The following CRACDL variants were observed in gnomAD, a reference collection of about 807,000 sequenced individuals.
CRACDL encodes the protein CRACD-like protein.
CRACDL carries 26 observed loss-of-function variants against 70.6 expected under a neutral mutation model. The ratio of observed to expected loss-of-function variants is 0.37; its 90% CI spans 0.27 to 0.51. The LOEUF is 0.51. CRACDL is among the 20% of genes least tolerant of loss of function. The probability of loss-of-function intolerance (pLI) is 0.94; values close to 1 mark genes in which losing one functional copy is unlikely to be tolerated. For missense variants in CRACDL, 1,283 were observed against 1,376.9 expected, an observed-to-expected ratio of 0.93 and a Z score of 1.08; for synonymous variants, 618 against 615.2, an observed-to-expected ratio of 1.00 and a Z score of -0.07.
chr2:98,832,636 A>T, intron 4 of CRACDL, 124 bp from the exon 5 acceptor site: 2 of 1,053,976 alleles, frequency 1.9e-6, no homozygotes, highest in Non-Finnish European at 2.8e-6. Flanking sequence ...AGAGAACTGA[A>T]CTGAACGTGC....
intron 1 of CRACDL, among the ~76,000 whole-genome samples, chr2:98,878,631 C>A (rs369205830): frequency 6.6e-6 from 1 of 152,080 alleles, no homozygotes; most frequent in South Asian, 2.1e-4. Context: ...CTCAGTTTTA[C>A]GTGAAGATGT....
intron 1 of CRACDL, among the ~76,000 whole-genome samples, chr2:98,927,164 G>T (rs769666503): frequency 1.6e-4 from 24 of 152,224 alleles, no homozygotes; most frequent in Non-Finnish European, 3.2e-4. Flanking sequence ...TGTGGACGGA[G>T]GTGGAGGTCA....
intron 7 of CRACDL, among the ~76,000 whole-genome samples, chr2:98,810,040 C>T (rs1278682468): frequency 1.3e-5 from 2 of 152,182 alleles, no homozygotes; most frequent in Non-Finnish European, 2.9e-5. Context: ...CTGCCTTGCT[C>T]CCTCCCTCAT....
rs566574333 is a variant in CRACDL, at chr2:98,879,087, C to A, written c.-10-32277G>T. Among the ~76,000 whole-genome samples the A allele has an allele frequency of 3.9e-5, 6 of 152,256 alleles. No homozygotes were observed. The East Asian group carries it at 9.6e-4, about 24-fold the overall frequency. ...CTGCTCCCTTCCTCCGAGCCCCTGC[C>A]CACTCACACCTGGTTTCACACATCT... On this transcript the variant is annotated intron_variant, in intron 1 of 9. Coordinates refer to ENST00000397899, the MANE Select transcript of CRACDL (RefSeq NM_207362.3).
intron 7 of CRACDL, among the ~76,000 whole-genome samples, chr2:98,812,425 T>C (rs1575334265): frequency 1.3e-5 from 2 of 152,226 alleles, no homozygotes; most frequent in East Asian, 3.8e-4. Context: ...GCCAAACTGT[T>C]TTCCAAAGTG....
At chr2:98,855,044 C>CT (rs1392534204) in intron 1 of CRACDL, among the ~76,000 whole-genome samples, 1 of 152,230 alleles carries the variant, frequency 6.6e-6, no homozygotes, top group East Asian at 1.9e-4. Context: ...AATCCCAACA[C>CT]TTTGGGAGCC....
chr2:98,914,657 G>A (rs772320525), intron 1 of CRACDL, among the ~76,000 whole-genome samples: 73 of 152,246 alleles, frequency 4.8e-4, no homozygotes, highest in Middle Eastern at 6.8e-3. Flanking sequence ...CTGGGGAGCC[G>A]GCTGGCGACC....
chr2:98,837,959 C>A (rs1372504021), intron 3 of CRACDL, among the ~76,000 whole-genome samples, 160 bp downstream of exon 3: 1 of 152,182 alleles, frequency 6.6e-6, no homozygotes, highest in African/African-American at 2.4e-5. Context: ...CAGCATTCTC[C>A]ATCCCTAGGT....
intron 1 of CRACDL, among the ~76,000 whole-genome samples, chr2:98,850,573 TCTGC>T (rs778511576): frequency 1.2e-4 from 18 of 152,198 alleles, no homozygotes; most frequent in Non-Finnish European, 2.6e-4. Flanking sequence ...TCAACCAGCA[TCTGC>T]CTTCCACCCT....
intron 7 of CRACDL, among the ~76,000 whole-genome samples, chr2:98,806,621 T>C (rs1440679831): frequency 6.6e-6 from 1 of 152,222 alleles, no homozygotes; most frequent in Admixed American, 6.5e-5. Context: ...CAGGAGGCAA[T>C]GACCACTCTA....
intron 1 of CRACDL, among the ~76,000 whole-genome samples, chr2:98,870,589 C>A (rs1707304793): frequency 6.6e-6 from 1 of 152,090 alleles, no homozygotes; most frequent in African/African-American, 2.4e-5. Flanking sequence ...GGGGCCCCTG[C>A]AGCAGAATGG....
chr2:98,797,546 T>C lies in CRACDL; in HGVS notation c.2417-9A>G. On this transcript the variant is annotated splice_polypyrimidine_tract_variant and intron_variant, in intron 7 of 9. Coordinates refer to ENST00000397899, the MANE Select transcript of CRACDL (RefSeq NM_207362.3). ...AGGCGGCAGACTCTTTTCTGTTGGG[T>C]AAAGGCACAAGATTATAGAAACAGT... The C allele has an allele frequency of 6.2e-7, 1 of 1,612,984 alleles. No individual in the cohort carries two copies. The highest frequency in any genetic ancestry group is 2.2e-5 in the East Asian group (1 of 44,880).
In CRACDL at chr2:98,822,409, G is replaced by A. The variant is rs1427442045; in HGVS notation, c.1864C>T (p.Pro622Ser). The A allele has an allele frequency of 4.7e-6, 7 of 1,483,988 alleles. No homozygotes were observed. The highest frequency in any genetic ancestry group is 6.2e-6 in the Non-Finnish European group (7 of 1,125,864). 91.9% of individuals were successfully genotyped at this position (1,483,988 alleles called of 1,614,324 possible). ...ALDDLQGLPE[P>S]QHAKPGPRKL... ...CGAGGGCCAGGTTTCGCGTGCTGGG[G>A]CTCGGGGAGACCCTGGAGGTCGTCA... The change falls in exon 7 of 10, where the codon CCC becomes TCC. Residue 622 changes from proline (P) to serine (S), a missense_variant. By Grantham distance (74) the Pro-to-Ser change is moderately conservative. Transcript: ENST00000397899. The surrounding 1 kb of genome is among the most constrained non-coding windows in gnomAD (Gnocchi z 4.9).
At position 98,823,620 on chromosome 2, in the gene CRACDL, T is replaced by C. The variant is rs1705191481; in HGVS notation, c.736-83A>G. On this transcript the variant is annotated intron_variant, in intron 6 of 9. Transcript: ENST00000397899. The surrounding 1 kb of genome is among the most constrained non-coding windows in gnomAD (Gnocchi z 4.0). ...ACCTCCCCACTTTTTTCAAGGCTTA[T>C]AATGGTTTAGTGATAGCAGCACTAT... 1 of 1,502,272 alleles carries C rather than the reference T, an allele frequency of 6.7e-7. No homozygotes were observed. The highest frequency in any genetic ancestry group is 2.0e-5 in the Admixed American group (1 of 50,628). The allele number at this position is 1,502,272 out of a possible 1,614,324, so 93.1% of individuals were successfully genotyped here.
chr2:98,918,101 T>A (rs1176465752), intron 1 of CRACDL, among the ~76,000 whole-genome samples: 1 of 152,214 alleles, frequency 6.6e-6, no homozygotes, highest in Non-Finnish European at 1.5e-5. Context: ...GGTATCTTTT[T>A]AAAATAATGA....
At position 98,875,124 on chromosome 2, in the gene CRACDL, A is replaced by C. The variant is rs75375310; in HGVS notation, c.-10-28314T>G. Among the ~76,000 whole-genome samples, 257 of 152,282 alleles carry C rather than the reference A, an allele frequency of 1.7e-3. 2 individuals carry two copies. In the East Asian group the frequency reaches 0.026, roughly 16 times the overall value. ...AATGCCTTGCAAACATCACCTCCCA[A>C]AGTGCCGTCACTCTGTACAACCGCC... is the stretch of plus-strand genomic sequence containing the variant. On this transcript the variant is annotated intron_variant, in intron 1 of 9. Transcript: ENST00000397899.
At chr2:98,895,234 T>C (rs1231409356) in intron 1 of CRACDL, among the ~76,000 whole-genome samples, 1 of 152,220 alleles carries the variant, frequency 6.6e-6, no homozygotes, top group Non-Finnish European at 1.5e-5. Context: ...GTGCCTAGGA[T>C]ACAACAGTGA....
chr2:98,928,046 A>G (rs1026048141), intron 1 of CRACDL, among the ~76,000 whole-genome samples: 4 of 152,012 alleles, frequency 2.6e-5, no homozygotes, highest in African/African-American at 9.7e-5. Context: ...TTAGCCAGTC[A>G]TGGTGGTGCG....
intron 2 of CRACDL, among the ~76,000 whole-genome samples, chr2:98,841,390 A>C (rs1706020743): frequency 6.6e-6 from 1 of 152,162 alleles, no homozygotes; most frequent in African/African-American, 2.4e-5. Flanking sequence ...GCTAGTTTAT[A>C]ACCCTTACCT....
Sources: allele counts gnomAD v4.1 joint callset (sites outside exome capture counted in the v4.1 genomes callset), GRCh38; gene constraint gnomAD v4.1.1; non-coding constraint Gnocchi (gnomAD v3.1); transcripts MANE v1.5; gene names NCBI Gene and HGNC (gene_info 2026-07-23, HGNC 2026-07-21).